Variants in COMMD10 observed in about 807,000 individuals in gnomAD.
COMMD10 encodes COMM domain containing 10, also known as COMM domain-containing protein 10.
A neutral mutation model predicts 28.9 loss-of-function variants in COMMD10; 33 were observed. The ratio of observed to expected loss-of-function variants is 1.14; its 90% CI spans 0.87 to 1.53. COMMD10 has a LOEUF of 1.53. COMMD10 is among the 40% of genes most tolerant of loss of function. COMMD10 has a pLI of 0.00. For missense variants in COMMD10, 310 were observed against 233.4 expected (o/e 1.33, Z -2.14); for synonymous variants, 110 against 81.7 (o/e 1.35, Z -1.87).
At chr5:116,252,088 A>C (rs1750134686) in intron 5 of COMMD10, among the ~76,000 whole-genome samples, 3 of 149,614 alleles carry the variant, frequency 2.0e-5, no homozygotes, top group Admixed American at 6.7e-5. Context: ...TTGGCTGCAT[A>C]AATGTCTTCT....
intron 5 of COMMD10, among the ~76,000 whole-genome samples, chr5:116,164,323 AAAAAAT>A (rs1355648938): frequency 6.7e-6 from 1 of 149,988 alleles, no homozygotes; most frequent in Non-Finnish European, 1.5e-5. Context: ...TCGGTCTCAA[AAAAAAT>A]AAAAATAAAA....
intron 5 of COMMD10, among the ~76,000 whole-genome samples, chr5:116,269,075 A>T (rs1317250416): frequency 6.6e-6 from 1 of 151,764 alleles, no homozygotes. Flanking sequence ...GTGCACATGT[A>T]CCCTAGAGCT....
intron 5 of COMMD10, among the ~76,000 whole-genome samples, chr5:116,181,780 T>C (rs1022210403): frequency 6.6e-6 from 1 of 152,104 alleles, no homozygotes; most frequent in Non-Finnish European, 1.5e-5. Flanking sequence ...GGCAACATGA[T>C]CTTGCTTATC....
intron 5 of COMMD10, among the ~76,000 whole-genome samples, chr5:116,268,337 A>C (rs250324): frequency 5.3e-5 from 8 of 151,794 alleles, no homozygotes; most frequent in Non-Finnish European, 8.8e-5. Context: ...GCAGCCAAAA[A>C]ACACATGAAA....
intron 5 of COMMD10, among the ~76,000 whole-genome samples, chr5:116,281,040 A>G (rs1412393495): frequency 7.2e-5 from 11 of 151,806 alleles, no homozygotes; most frequent in Admixed American, 2.0e-4. Context: ...CTATCTCCTG[A>G]TTTTCTAGTT....
At position 116,218,766 on chromosome 5, in the gene COMMD10, C is replaced by G. The variant is rs1488556650; in HGVS notation, c.511-72751C>G. On this transcript the variant is annotated intron_variant, in intron 5 of 6. Transcript: ENST00000274458. Reference sequence around the variant, plus strand: ...TTTAGGGACAGTCCTGAATAGTAGTCGAGTAGTAAGGGCTCCAAAAGAACT... The same window carrying G: ...TTTAGGGACAGTCCTGAATAGTAGTGGAGTAGTAAGGGCTCCAAAAGAACT... Among the ~76,000 whole-genome samples, 3 of 151,954 alleles carry G rather than the reference C, an allele frequency of 2.0e-5. No homozygotes were observed. In the East Asian group the frequency reaches 5.8e-4, roughly 29 times the overall value.
At position 116,130,950 on chromosome 5, in the gene COMMD10, A is replaced by C. The variant is rs139665415; in HGVS notation, c.400-3118A>C. 1.5e-4 allele frequency among the ~76,000 whole-genome samples: 23 copies of C among 151,916 alleles called. 1 individual carries two copies. The highest frequency in any genetic ancestry group is 2.5e-4 in the Non-Finnish European group (17 of 67,894). ...ATACTTGATAGTTTCTTGTGTGATG[A>C]TATATATTTTGAGTAGTATTTTCCA... On this transcript the variant is annotated intron_variant, in intron 4 of 6. Coordinates refer to ENST00000274458, the MANE Select transcript of COMMD10 (RefSeq NM_016144.4).
rs1430358633 is a variant in COMMD10 at position 116,207,849 on chromosome 5, C to T, written c.510+73671C>T. ...TCAGTATTTTCTCTGTATCACACTCCCAACCTTTAACATTGCCTCCCATTC... is the reference window on the plus strand; with the variant it reads ...TCAGTATTTTCTCTGTATCACACTCTCAACCTTTAACATTGCCTCCCATTC... On this transcript the variant is annotated intron_variant, in intron 5 of 6. Coordinates refer to ENST00000274458, the MANE Select transcript of COMMD10 (RefSeq NM_016144.4). Among the ~76,000 whole-genome samples the T allele has an allele frequency of 3.3e-5, 5 of 152,242 alleles. No individual in the cohort carries two copies. In the South Asian group the frequency reaches 8.3e-4, roughly 25 times the overall value.
At chr5:116,118,845 C>T (rs1751328722) in intron 4 of COMMD10, among the ~76,000 whole-genome samples, 1 of 151,982 alleles carries the variant, frequency 6.6e-6, no homozygotes, top group African/African-American at 2.4e-5. Context: ...TTATTTGAAA[C>T]AGAATGTATT....
chr5:116,217,955 C>T, intron 5 of COMMD10: 3 of 777,590 alleles, frequency 3.9e-6, no homozygotes, highest in African/African-American at 1.7e-5. Context: ...TTTTATAAAA[C>T]TTGGTAAAAA....
intron 5 of COMMD10, among the ~76,000 whole-genome samples, chr5:116,219,162 C>T (rs578092653): frequency 6.6e-6 from 1 of 152,220 alleles, no homozygotes; most frequent in South Asian, 2.1e-4. Context: ...CTTTCAGCTT[C>T]CAGAACTGAA....
At chr5:116,238,734 A>G (rs949928712) in intron 5 of COMMD10, among the ~76,000 whole-genome samples, 1 of 152,200 alleles carries the variant, frequency 6.6e-6, no homozygotes, top group Non-Finnish European at 1.5e-5. Flanking sequence ...CATACTCCTT[A>G]TATGGGGTAA....
intron 5 of COMMD10, among the ~76,000 whole-genome samples, chr5:116,264,982 G>A (rs892571540): frequency 2.0e-5 from 3 of 151,784 alleles, no homozygotes; most frequent in Admixed American, 6.6e-5. Context: ...TCTTTGAAAA[G>A]AGTAGGGAAA....
intron 5 of COMMD10, among the ~76,000 whole-genome samples, chr5:116,137,469 G>A (rs1170258167): frequency 6.6e-6 from 1 of 151,958 alleles, no homozygotes. Context: ...AAAACAGGAA[G>A]CATTGGGTAC....
At chr5:116,219,303 C>T (rs113591878) in intron 5 of COMMD10, among the ~76,000 whole-genome samples, 1 of 152,122 alleles carries the variant, frequency 6.6e-6, no homozygotes, top group East Asian at 1.9e-4. Context: ...TTTCCCTTCC[C>T]CTTCCCCTTC....
chr5:116,260,349 A>C lies in COMMD10; in HGVS notation c.511-31168A>C, dbSNP rs555130302. Among the ~76,000 whole-genome samples the C allele has an allele frequency of 5.3e-5, 8 of 151,948 alleles. No individual in the cohort carries two copies. In the South Asian group the frequency reaches 1.0e-3, roughly 20 times the overall value. On this transcript the variant is annotated intron_variant, in intron 5 of 6. Coordinates refer to ENST00000274458, the MANE Select transcript of COMMD10 (RefSeq NM_016144.4). Reference sequence around the variant, plus strand: ...CTGTGGAAACTAATGACTTTGGAGAAATTTCTTGGGTAATGTTTATTGTTA... The same window carrying C: ...CTGTGGAAACTAATGACTTTGGAGACATTTCTTGGGTAATGTTTATTGTTA...
intron 5 of COMMD10, among the ~76,000 whole-genome samples, chr5:116,162,248 C>T (rs1042672614): frequency 6.6e-6 from 1 of 151,954 alleles, no homozygotes; most frequent in African/African-American, 2.4e-5. Context: ...TGCATAATAG[C>T]TACCCACTCA....
At chr5:116,112,484 T>A (rs1014709792) in intron 4 of COMMD10, among the ~76,000 whole-genome samples, 6 of 151,786 alleles carry the variant, frequency 4.0e-5, no homozygotes, top group African/African-American at 1.5e-4. Context: ...GCAACCTCCG[T>A]CTCCCAGGTT....
chr5:116,271,266 G>A lies in COMMD10; in HGVS notation c.511-20251G>A, dbSNP rs549404417. On this transcript the variant is annotated intron_variant, in intron 5 of 6. Transcript: ENST00000274458. ...AAAAACAATTTTTTTTCCTGTTTAA[G>A]CATTTTTATCTTTTTAAATTTTTAT... Among the ~76,000 whole-genome samples, 10 of 142,854 alleles carry A rather than the reference G, an allele frequency of 7.0e-5. No homozygotes were observed. In the South Asian group the frequency reaches 2.0e-3, roughly 28 times the overall value. The allele number at this position is 142,854 out of a possible 152,430, so 93.7% of individuals were successfully genotyped here. A position where few individuals can be genotyped will look rare whatever the true frequency, so the allele number is the denominator to read the frequency against.
Sources: allele counts gnomAD v4.1 joint callset (sites outside exome capture counted in the v4.1 genomes callset), GRCh38; gene constraint gnomAD v4.1.1; transcripts MANE v1.5; gene names NCBI Gene and HGNC (gene_info 2026-07-23, HGNC 2026-07-21).